The following ANK2 variants were observed in gnomAD, a reference collection of about 807,000 sequenced individuals.
ANK2 encodes the protein ankyrin-2.
A neutral mutation model predicts 360.5 loss-of-function variants in ANK2; 83 were observed. That is an observed-to-expected ratio of 0.23 (90% CI 0.19 to 0.28). The LOEUF (loss-of-function observed/expected upper bound fraction) is 0.28, where lower values mean the gene tolerates loss of function less well. Ranked by LOEUF, ANK2 falls within the 10% of genes least tolerant of loss-of-function variation. The pLI is 1.00. For synonymous variants in ANK2, 1,740 were observed against 1,759.5 expected (o/e 0.99, Z 0.28); for missense variants, 4,201 against 4,795.7 (o/e 0.88, Z 3.66).
rs2096800158 is a variant in ANK2 at position 113,373,158 on chromosome 4, C to T, written c.11679C>T (p.His3893=). Residue 3893 remains histidine (H), a synonymous_variant, in exon 44 of 46, where the codon CAC becomes CAT. Transcript: ENST00000357077. ...TEEEYIDEHG[H]TVVKKVTRKI... ...AAGAATACATTGATGAGCATGGACA[C>T]ACCGTGGTAAAGAAGGTATTGTCTA... 8.1e-6 allele frequency: 13 copies of T among 1,614,014 alleles called. No homozygotes were observed. Among genetic ancestry groups the T allele is most frequent in the Non-Finnish European group, 1.0e-5 (12 of 1,179,884 alleles).
chr4:113,233,377 C>T (rs951995991), intron 5 of ANK2, among the ~76,000 whole-genome samples: 1 of 151,330 alleles, frequency 6.6e-6, no homozygotes, highest in Non-Finnish European at 1.5e-5. Flanking sequence ...CCTCGTGATC[C>T]GCCCGCCTCG....
chr4:112,973,623 C>CT lies in ANK2; in HGVS notation c.21+69110dup, dbSNP rs576515736. Among the ~76,000 whole-genome samples, 44 of 152,332 alleles carry CT rather than the reference C, an allele frequency of 2.9e-4. No homozygotes were observed. The South Asian group carries it at 8.9e-3, about 31-fold the overall frequency. On this transcript the variant is annotated intron_variant, in intron 2 of 30. Transcript: ENST00000503271. ...CTGCCTTCCTTCCCAGCCTGGCTTT[C>CT]TATGCAAACTTAATAAGCATGTTTC...
intron 2 of ANK2, among the ~76,000 whole-genome samples, chr4:112,930,181 C>T (rs751175094): frequency 6.6e-6 from 1 of 151,754 alleles, no homozygotes; most frequent in Non-Finnish European, 1.5e-5. Context: ...TGGTGGCTCA[C>T]GTCTGTAAGC....
At chr4:113,089,944 G>A (rs1384141954) in intron 1 of ANK2, among the ~76,000 whole-genome samples, 2 of 152,152 alleles carry the variant, frequency 1.3e-5, no homozygotes, top group African/African-American at 2.4e-5. Flanking sequence ...TTTCTGAAAC[G>A]TAATAATATG....
intron 38 of ANK2, among the ~76,000 whole-genome samples, chr4:113,360,172 A>G (rs1211134338): frequency 6.6e-6 from 1 of 152,208 alleles, no homozygotes; most frequent in East Asian, 1.9e-4. Context: ...ATTATAGTTT[A>G]TAGGAGTGAG....
At chr4:112,985,786 A>G (rs1241333483) in intron 2 of ANK2, among the ~76,000 whole-genome samples, 1 of 152,050 alleles carries the variant, frequency 6.6e-6, no homozygotes, top group Non-Finnish European at 1.5e-5. Context: ...GACAGTAGGC[A>G]TTGATTAAAA....
chr4:112,996,669 A>G (rs2154281886), intron 2 of ANK2, among the ~76,000 whole-genome samples: 1 of 152,236 alleles, frequency 6.6e-6, no homozygotes, highest in South Asian at 2.1e-4. Context: ...ACAGGCATGC[A>G]ACGTGAAATA....
chr4:112,730,656 A>G, the ANK2 span, among the ~76,000 whole-genome samples: 1 of 150,204 alleles, frequency 6.7e-6, no homozygotes, highest in African/African-American at 2.4e-5. Context: ...AAAAAAAAAA[A>G]AAGAAAGAAA....
chr4:112,832,145 A>G (rs1318177472), intron 1 of ANK2, among the ~76,000 whole-genome samples: 2 of 152,158 alleles, frequency 1.3e-5, no homozygotes, highest in African/African-American at 4.8e-5. Context: ...TCTGACTCCC[A>G]TGTTCAAGCA....
intron 1 of ANK2, among the ~76,000 whole-genome samples, chr4:113,100,637 A>G (rs190688644): frequency 6.6e-6 from 1 of 152,226 alleles, no homozygotes; most frequent in East Asian, 1.9e-4. Flanking sequence ...TGTTTACTCA[A>G]ATGAAATGAA....
At chr4:112,720,926 C>T in the ANK2 span, among the ~76,000 whole-genome samples, 1 of 152,160 alleles carries the variant, frequency 6.6e-6, no homozygotes, top group Non-Finnish European at 1.5e-5. Flanking sequence ...AGAAGTTTTG[C>T]CTAGCTGTTG....
chr4:112,730,828 A>G, the ANK2 span, among the ~76,000 whole-genome samples: 3 of 150,716 alleles, frequency 2.0e-5, no homozygotes, highest in African/African-American at 7.3e-5. Flanking sequence ...GCAGGGCAAC[A>G]TAGTGAGACA....
At chr4:113,288,233 A>G (rs2065698021) in intron 19 of ANK2, among the ~76,000 whole-genome samples, 155 bp from the exon 20 acceptor site, 1 of 152,246 alleles carries the variant, frequency 6.6e-6, no homozygotes, top group Non-Finnish European at 1.5e-5. Flanking sequence ...CCCTGTGGTC[A>G]GGGGCACATA....
chr4:112,788,745 A>G, the ANK2 span: 25 of 1,579,932 alleles, frequency 1.6e-5, no homozygotes, highest in Non-Finnish European at 2.1e-5. Context: ...TTTGGGCTGG[A>G]TGTCCTGTCC....
intron 1 of ANK2, among the ~76,000 whole-genome samples, chr4:112,902,015 C>G (rs1442451597): frequency 3.3e-5 from 5 of 152,148 alleles, no homozygotes. Context: ...GAGCTAAGCA[C>G]AAGACACTGC....
the ANK2 span, among the ~76,000 whole-genome samples, chr4:112,807,253 T>A: frequency 1.3e-5 from 2 of 152,232 alleles, no homozygotes. Context: ...ACGGTTGCTA[T>A]TAAAATACCT....
At chr4:112,802,266 C>A in the ANK2 span, among the ~76,000 whole-genome samples, 1 of 152,166 alleles carries the variant, frequency 6.6e-6, no homozygotes, top group East Asian at 1.9e-4. Context: ...TGCTGCTCTT[C>A]TTGCCAATCC....
chr4:113,298,198 C>T lies in ANK2; in HGVS notation c.2476-4569C>T, dbSNP rs149552449. Among the ~76,000 whole-genome samples the T allele has an allele frequency of 1.3e-3, 197 of 151,862 alleles. 2 individuals are homozygous for T. The highest frequency in any genetic ancestry group is 4.7e-3 in the African/African-American group (194 of 41,436). Reference sequence around the variant, plus strand: ...CAGTGACTCACCTTTGTTAGGACTTCAAAAAACATCTACCCTAGTTTTTCT... The same window carrying T: ...CAGTGACTCACCTTTGTTAGGACTTTAAAAAACATCTACCCTAGTTTTTCT... On this transcript the variant is annotated intron_variant, in intron 22 of 45. Transcript: ENST00000357077.
chr4:112,771,192 G>A, the ANK2 span, among the ~76,000 whole-genome samples: 1 of 152,106 alleles, frequency 6.6e-6, no homozygotes, highest in African/African-American at 2.4e-5. Context: ...GGCTTACCAC[G>A]ACCTTCGCCT....
Sources: allele counts gnomAD v4.1 joint callset (sites outside exome capture counted in the v4.1 genomes callset), GRCh38; gene constraint gnomAD v4.1.1; transcripts MANE v1.5; gene names NCBI Gene and HGNC (gene_info 2026-07-23, HGNC 2026-07-21).